TOM1L1: variants seen among roughly 807,000 people sequenced by gnomAD.
TOM1L1 encodes TOM1-like protein 1.
In TOM1L1, 64 loss-of-function variants were observed where a neutral mutation model predicts 63.4. That is an observed-to-expected ratio of 1.01 (90% confidence interval 0.83 to 1.24). TOM1L1 has a LOEUF of 1.24. TOM1L1 is among the 50% of genes most tolerant of loss of function. The pLI is 0.00. For missense variants in TOM1L1, 536 were observed against 567.0 expected (o/e 0.95, Z 0.55); for synonymous variants, 166 against 194.4 (o/e 0.85, Z 1.22).
At position 54,961,428 on chromosome 17, in the gene TOM1L1, T is replaced by C. The variant is rs1188220016; in HGVS notation, c.*195T>C. 14 of 1,514,634 alleles carry C rather than the reference T, an allele frequency of 9.2e-6. No individual in the cohort carries two copies. In the Admixed American group the frequency reaches 3.1e-4, roughly 34 times the overall value. The allele number at this position is 1,514,634 out of a possible 1,614,324, so 93.8% of individuals were successfully genotyped here. On this transcript the variant is annotated 3_prime_UTR_variant, in exon 16 of 16. Coordinates refer to ENST00000575882, the MANE Select transcript of TOM1L1 (RefSeq NM_005486.3). ...ACTGATTCCTGACAACAGCGTGAGA[T>C]TTCAACAGAACTTGTTTGGAACAAA...
chr17:54,938,831 C>G, intron 10 of TOM1L1, 93 bp from the exon 11 acceptor site: 1 of 577,524 alleles, frequency 1.7e-6, no homozygotes, highest in Non-Finnish European at 2.8e-6. Flanking sequence ...TTTTCTTTTT[C>G]TTTTTTCTTT....
intron 8 of TOM1L1, among the ~76,000 whole-genome samples, chr17:54,935,913 G>A (rs775743463): frequency 7.9e-5 from 12 of 151,898 alleles, no homozygotes; most frequent in Non-Finnish European, 1.2e-4. Context: ...ACCTGAGGTC[G>A]GGAGTTCGAA....
intron 3 of TOM1L1, among the ~76,000 whole-genome samples, chr17:54,910,178 A>G (rs2048474622): frequency 6.6e-6 from 1 of 152,202 alleles, no homozygotes; most frequent in African/African-American, 2.4e-5. Context: ...TGTGAGGGCC[A>G]GGTGCAGTGG....
At chr17:54,903,304 A>G (rs2048357233) in intron 1 of TOM1L1, among the ~76,000 whole-genome samples, 1 of 152,188 alleles carries the variant, frequency 6.6e-6, no homozygotes, top group Non-Finnish European at 1.5e-5. Context: ...ACCTCTCTGA[A>G]CTTCTATCTC....
Position 54,958,730 on chromosome 17 carries a change from CAA to C in TOM1L1, c.1371-1819_1371-1818del, listed in dbSNP as rs61603848. 7.3e-3 allele frequency among the ~76,000 whole-genome samples: 422 copies of C among 57,454 alleles called. 12 individuals are homozygous for C. The South Asian group carries it at 0.12, about 16-fold the overall frequency. 37.7% of individuals were successfully genotyped at this position (57,454 alleles called of 152,430 possible). The stretch of plus-strand genomic sequence containing the variant: ...GGGCAACAAGAGTGAAACTCCATCT[CAA>C]AAAAAAAAAAAAAAAAGGGGTTGTT... On this transcript the variant is annotated intron_variant, in intron 14 of 15. Coordinates refer to ENST00000575882, the MANE Select transcript of TOM1L1 (RefSeq NM_005486.3).
At chr17:54,922,092 A>T (rs1462741004) in intron 7 of TOM1L1, among the ~76,000 whole-genome samples, 1 of 151,822 alleles carries the variant, frequency 6.6e-6, no homozygotes, top group Non-Finnish European at 1.5e-5. Flanking sequence ...GGAGGTGGAG[A>T]CCATCCTGGC....
chr17:54,939,494 C>G (rs1413881609), intron 11 of TOM1L1, among the ~76,000 whole-genome samples: 3 of 152,150 alleles, frequency 2.0e-5, no homozygotes, highest in Non-Finnish European at 4.4e-5. Flanking sequence ...TTACAGGGTA[C>G]TTGCTGTGTG....
At chr17:54,955,686 TCA>T (rs751678139) in intron 14 of TOM1L1, among the ~76,000 whole-genome samples, 4 of 152,036 alleles carry the variant, frequency 2.6e-5, no homozygotes, top group Non-Finnish European at 5.9e-5. Flanking sequence ...GCGATGTCTC[TCA>T]GTCTCCCAGA....
At chr17:54,928,178 A>G (rs982565100) in intron 7 of TOM1L1, among the ~76,000 whole-genome samples, 2 of 152,158 alleles carry the variant, frequency 1.3e-5, no homozygotes, top group African/African-American at 4.8e-5. Flanking sequence ...GGATAATAGC[A>G]TATTACAGGA....
At chr17:54,911,545 G>A (rs754505200) in intron 3 of TOM1L1, among the ~76,000 whole-genome samples, 8 of 152,050 alleles carry the variant, frequency 5.3e-5, no homozygotes, top group Non-Finnish European at 7.4e-5. Flanking sequence ...CCAAATTTCC[G>A]TCACAGGGGT....
chr17:54,942,322 T>TG (rs1486542037), intron 11 of TOM1L1: 1 of 151,518 alleles, frequency 6.6e-6, no homozygotes, highest in African/African-American at 2.4e-5. Flanking sequence ...GGCCAGGCTG[T>TG]GGTCTCAAAC....
chr17:54,922,067 C>T (rs767117113), intron 7 of TOM1L1, among the ~76,000 whole-genome samples: 2 of 151,156 alleles, frequency 1.3e-5, no homozygotes, highest in Non-Finnish European at 3.0e-5. Flanking sequence ...CCGAGGCAGG[C>T]GGATCATGAG....
chr17:54,902,096 C>T (rs1333647379), intron 1 of TOM1L1, among the ~76,000 whole-genome samples: 1 of 152,146 alleles, frequency 6.6e-6, no homozygotes, highest in Admixed American at 6.5e-5. Flanking sequence ...CCTGAGGGAA[C>T]TCACTTTCTT....
Position 54,906,735 on chromosome 17 carries a change from G to A in TOM1L1, c.222+1168G>A, listed in dbSNP as rs1234268887. On this transcript the variant is annotated intron_variant, in intron 3 of 15. Coordinates refer to ENST00000575882, the MANE Select transcript of TOM1L1 (RefSeq NM_005486.3). Reference sequence around the variant, plus strand: ...ATTTAAGTGTGGACTCTTATTTGATGTGTTCCCATTTTCCCACCATCCTTG... The same window carrying A: ...ATTTAAGTGTGGACTCTTATTTGATATGTTCCCATTTTCCCACCATCCTTG... The A allele has an allele frequency of 7.1e-6, 7 of 984,682 alleles. No individual in the cohort carries two copies. The South Asian group carries it at 2.8e-4, about 40-fold the overall frequency. The allele number at this position is 984,682 out of a possible 1,614,324, so 61.0% of individuals were successfully genotyped here.
intron 11 of TOM1L1, among the ~76,000 whole-genome samples, chr17:54,943,933 C>T (rs911150251): frequency 2.6e-5 from 4 of 151,292 alleles, no homozygotes; most frequent in South Asian, 2.1e-4. Context: ...GCCGAGATTA[C>T]AGCCACTGCA....
At chr17:54,950,574 T>C (rs1374546833) in intron 14 of TOM1L1, among the ~76,000 whole-genome samples, 1 of 152,214 alleles carries the variant, frequency 6.6e-6, no homozygotes, top group African/African-American at 2.4e-5. Context: ...TTACTTAAAA[T>C]CCTTAAAGCA....
chr17:54,921,661 C>A (rs1028075702), intron 7 of TOM1L1, among the ~76,000 whole-genome samples: 2 of 151,990 alleles, frequency 1.3e-5, no homozygotes, highest in African/African-American at 4.8e-5. Context: ...TGGCTTGAAC[C>A]CGGAGGTTGC....
At chr17:54,914,128 C>T (rs2048544810) in intron 5 of TOM1L1, among the ~76,000 whole-genome samples, 1 of 152,138 alleles carries the variant, frequency 6.6e-6, no homozygotes, top group Non-Finnish European at 1.5e-5. Context: ...TACAAGATTT[C>T]CAGGTGTTTT....
intron 11 of TOM1L1, among the ~76,000 whole-genome samples, chr17:54,946,466 C>T (rs752663758): frequency 2.7e-4 from 41 of 152,180 alleles, no homozygotes; most frequent in Non-Finnish European, 4.1e-4. Flanking sequence ...GGTATCACAG[C>T]TCCTATTGAA....
Sources: gnomAD v4.1 joint callset for allele counts (sites outside exome capture counted in the v4.1 genomes callset) on GRCh38, gnomAD v4.1.1 for gene constraint, MANE v1.5 for transcripts, NCBI Gene and HGNC (gene_info 2026-07-23, HGNC 2026-07-21) for gene names.